Variants in SNX29 observed in about 807,000 individuals in gnomAD.
SNX29 encodes the protein sorting nexin-29.
SNX29 carries 78 observed loss-of-function variants against 102.1 expected under a neutral mutation model. The observed-to-expected ratio is 0.76, with a 90% CI of 0.64 to 0.92. The LOEUF is 0.92. Among genes scored for constraint, SNX29 ranks in the 40% least tolerant of loss-of-function variants. The probability of loss-of-function intolerance (pLI) is 0.00; values close to 1 mark genes in which losing one functional copy is unlikely to be tolerated. For synonymous variants in SNX29, 580 were observed against 414.5 expected (o/e 1.40, Z -4.85); for missense variants, 1,280 against 1,061.7 (o/e 1.21, Z -2.86).
intron 20 of SNX29, among the ~76,000 whole-genome samples, chr16:12,568,199 G>A (rs781278339): frequency 2.0e-5 from 3 of 151,594 alleles, no homozygotes; most frequent in Non-Finnish European, 2.9e-5. Context: ...GAAGAAAGCT[G>A]TGCCTAGAAC....
At chr16:12,449,467 A>G (rs1045796944) in intron 18 of SNX29, among the ~76,000 whole-genome samples, 1 of 152,124 alleles carries the variant, frequency 6.6e-6, no homozygotes, top group African/African-American at 2.4e-5. Context: ...TGTATTTGGC[A>G]TCTTAACTCA....
chr16:12,465,585 C>A (rs974824648), intron 18 of SNX29, among the ~76,000 whole-genome samples: 1 of 152,158 alleles, frequency 6.6e-6, no homozygotes, highest in Non-Finnish European at 1.5e-5. Context: ...TTTTTAATGA[C>A]AGCAGCAAAC....
At position 12,078,857 on chromosome 16, in the gene SNX29, C is replaced by T. The variant is rs778055823; in HGVS notation, c.1344C>T (p.His448=). The T allele has an allele frequency of 1.2e-5, 20 of 1,606,236 alleles. No homozygotes were observed. The highest frequency in any genetic ancestry group is 9.0e-5 in the East Asian group (4 of 44,680). The stretch of plus-strand genomic sequence containing the variant: ...GTGTGGAAGCCAGCTCTCCAGGCCA[C>T]GGAAGTCCTCTGAGCAGCCTGTTAC... ...RYSVEASSPG[H]GSPLSSLLPS... The change falls in exon 11 of 21, where the codon CAC becomes CAT. Residue 448 remains histidine (H), a synonymous_variant. Coordinates refer to ENST00000566228, the MANE Select transcript of SNX29 (RefSeq NM_032167.5).
At chr16:12,261,168 C>T (rs1033049919) in intron 14 of SNX29, among the ~76,000 whole-genome samples, 10 of 148,778 alleles carry the variant, frequency 6.7e-5, no homozygotes, top group Non-Finnish European at 1.5e-4. Flanking sequence ...GTGTCCCCGG[C>T]TGGAGTGAGT....
intron 14 of SNX29, among the ~76,000 whole-genome samples, chr16:12,232,872 C>T (rs1039613628): frequency 2.6e-5 from 4 of 152,230 alleles, no homozygotes; most frequent in Admixed American, 1.3e-4. Flanking sequence ...AGCCTCAATG[C>T]TGAGTTCACA....
intron 14 of SNX29, among the ~76,000 whole-genome samples, chr16:12,202,784 G>T (rs1272255902): frequency 6.6e-6 from 1 of 152,240 alleles, no homozygotes; most frequent in Admixed American, 6.5e-5. Context: ...TGTGAAACAA[G>T]ATGTTTGCAA....
chr16:12,175,347 A>AT (rs911084842), intron 13 of SNX29, among the ~76,000 whole-genome samples: 2 of 152,112 alleles, frequency 1.3e-5, no homozygotes, highest in African/African-American at 2.4e-5. Context: ...AAATGAGGTC[A>AT]TAAGTGGGGG....
chr16:12,423,755 A>G (rs1597330684), intron 18 of SNX29, among the ~76,000 whole-genome samples: 2 of 152,256 alleles, frequency 1.3e-5, no homozygotes, highest in East Asian at 3.9e-4. Context: ...TATTTTTAAT[A>G]GAGATGGGGT....
chr16:12,083,573 C>T (rs918132825), intron 11 of SNX29, among the ~76,000 whole-genome samples: 3 of 152,274 alleles, frequency 2.0e-5, no homozygotes, highest in East Asian at 1.9e-4. Flanking sequence ...GGCCTTGTCT[C>T]CATATAAACT....
chr16:11,983,845 C>G (rs1357321846), intron 1 of SNX29: 2 of 319,666 alleles, frequency 6.3e-6, no homozygotes, highest in Admixed American at 6.5e-5. Flanking sequence ...ACTGTCTTGT[C>G]TATACATAGG....
intron 13 of SNX29, among the ~76,000 whole-genome samples, chr16:12,170,180 C>A (rs375778390): frequency 2.3e-4 from 35 of 152,060 alleles, no homozygotes; most frequent in African/African-American, 8.0e-4. Flanking sequence ...TGAAATTGCC[C>A]CAGTTGAGAA....
chr16:11,995,512 C>G (rs140009587), intron 1 of SNX29, among the ~76,000 whole-genome samples: 38 of 152,092 alleles, frequency 2.5e-4, no homozygotes, highest in Middle Eastern at 3.4e-3. Context: ...TGCACAATCT[C>G]GGGTAGTTTT....
At chr16:12,420,777 G>GGAC (rs1325394123) in intron 18 of SNX29, among the ~76,000 whole-genome samples, 1 of 152,164 alleles carries the variant, frequency 6.6e-6, no homozygotes, top group African/African-American at 2.4e-5. Context: ...GGGAAATGAT[G>GGAC]GACGCATGAG....
Position 12,572,008 on chromosome 16 carries a change from G to C in SNX29, c.*3379G>C. The C allele has an allele frequency of 9.4e-7, 1 of 1,062,742 alleles. No homozygotes were observed. The highest frequency in any genetic ancestry group is 1.1e-6 in the Non-Finnish European group (1 of 877,648). The allele number at this position is 1,062,742 out of a possible 1,614,324, so 65.8% of individuals were successfully genotyped here. ...CATCCAGTCACCAGTTGCATCTAGG[G>C]AGCTGCTGGCTATAAAAGGGATCAT... On this transcript the variant is annotated 3_prime_UTR_variant, in exon 21 of 21. Coordinates refer to ENST00000566228, the MANE Select transcript of SNX29 (RefSeq NM_032167.5).
chr16:12,564,401 C>CG (rs1555462981), intron 20 of SNX29, among the ~76,000 whole-genome samples: 68 of 152,090 alleles, frequency 4.5e-4, no homozygotes, highest in African/African-American at 1.6e-3. Context: ...AAATATGCAT[C>CG]AATGATGTAT....
At chr16:12,539,521 C>T (rs1280377362) in intron 20 of SNX29, among the ~76,000 whole-genome samples, 3 of 152,258 alleles carry the variant, frequency 2.0e-5, no homozygotes, top group African/African-American at 7.2e-5. Context: ...CAGTTGTTGG[C>T]AATTTTGAAT....
At chr16:12,156,679 C>T (rs1208380639) in intron 13 of SNX29, among the ~76,000 whole-genome samples, 1 of 152,250 alleles carries the variant, frequency 6.6e-6, no homozygotes, top group East Asian at 1.9e-4. Flanking sequence ...CCTCTATGGC[C>T]TCATCTGCAA....
chr16:12,075,651 C>T (rs1162742283), intron 10 of SNX29, among the ~76,000 whole-genome samples: 2 of 152,236 alleles, frequency 1.3e-5, no homozygotes. Context: ...TGCCCGTTCT[C>T]AGATTTCCAG....
chr16:12,229,795 C>T (rs989219176), intron 14 of SNX29, among the ~76,000 whole-genome samples: 3 of 152,114 alleles, frequency 2.0e-5, no homozygotes, highest in Non-Finnish European at 2.9e-5. Context: ...CTCTGCAGTC[C>T]GACCTGTACT....
Sources: allele counts gnomAD v4.1 joint callset (sites outside exome capture counted in the v4.1 genomes callset), GRCh38; gene constraint gnomAD v4.1.1; transcripts MANE v1.5; gene names NCBI Gene and HGNC (gene_info 2026-07-23, HGNC 2026-07-21).